The following SPINK8 variants were observed in gnomAD, a reference collection of about 807,000 sequenced individuals.
SPINK8 encodes serine protease inhibitor Kazal-type 8.
A neutral mutation model predicts 14.4 loss-of-function variants in SPINK8; 12 were observed. The observed-to-expected ratio is 0.83, with a 90% CI of 0.53 to 1.35. The LOEUF (loss-of-function observed/expected upper bound fraction) is 1.35. Ranked by LOEUF, SPINK8 falls within the 40% of genes most tolerant of loss-of-function variation. The pLI is 0.00. For missense variants in SPINK8, 103 were observed against 117.0 expected (o/e 0.88, Z 0.55); for synonymous variants, 32 against 37.6 (o/e 0.85, Z 0.55).
In SPINK8 at chr3:48,321,020, C is replaced by G. The variant is rs1050868111; in HGVS notation, c.117+5G>C. 2 of 1,588,514 alleles carry G rather than the reference C, an allele frequency of 1.3e-6. No individual in the cohort carries two copies. The highest frequency in any genetic ancestry group is 8.6e-7 in the Non-Finnish European group (1 of 1,166,330). On this transcript the variant is annotated splice_donor_5th_base_variant and intron_variant, in intron 5 of 7. Coordinates refer to ENST00000434006, the MANE Select transcript of SPINK8 (RefSeq NM_001080525.3). ...GTTATTAGGAACCAAGGAAGCAGTA[C>G]TCACTATTGTTTTGTCTAGCTGACC...
intron 6 of SPINK8, among the ~76,000 whole-genome samples, chr3:48,314,294 G>A (rs1272256571): frequency 6.6e-6 from 1 of 151,464 alleles, no homozygotes; most frequent in Non-Finnish European, 1.5e-5. Context: ...AAGAACACTG[G>A]CAAAAATGGT....
At chr3:48,327,827 G>A (rs2036166985) in intron 4 of SPINK8, among the ~76,000 whole-genome samples, 1 of 152,142 alleles carries the variant, frequency 6.6e-6, no homozygotes, top group Admixed American at 6.5e-5. Flanking sequence ...GGAAAGAGTT[G>A]CAGAAATCGA....
intron 4 of SPINK8, among the ~76,000 whole-genome samples, chr3:48,322,413 G>T: frequency 6.6e-6 from 1 of 151,412 alleles, no homozygotes; most frequent in East Asian, 1.9e-4. Context: ...TCAGCTCACT[G>T]CAACCTCGGC....
intron 1 of SPINK8, among the ~76,000 whole-genome samples, chr3:48,332,936 G>A (rs568174538): frequency 6.6e-6 from 1 of 152,136 alleles, no homozygotes; most frequent in Non-Finnish European, 1.5e-5. Context: ...CCACTTCAAG[G>A]GGGCATAATC....
intron 6 of SPINK8, among the ~76,000 whole-genome samples, chr3:48,315,872 A>C (rs1225111279): frequency 1.3e-5 from 2 of 152,150 alleles, no homozygotes; most frequent in Admixed American, 1.3e-4. Flanking sequence ...AAAATTCTAA[A>C]GTTGAAAATT....
At chr3:48,308,911 T>C (rs1380420855) in intron 7 of SPINK8, among the ~76,000 whole-genome samples, 1 of 152,250 alleles carries the variant, frequency 6.6e-6, no homozygotes, top group Non-Finnish European at 1.5e-5. Flanking sequence ...AGCAGGATTT[T>C]TAATGAGTAA....
rs543021487 is a variant in SPINK8 at position 48,321,129 on chromosome 3, G to A, written c.68-55C>T. On this transcript the variant is annotated intron_variant, in intron 4 of 7. Coordinates refer to ENST00000434006, the MANE Select transcript of SPINK8 (RefSeq NM_001080525.3). ...TGCTTCTCTGTCTTCTGCCCTCAGC[G>A]AAAAAGGTAAGATGAGGGGAACCCT... The A allele has an allele frequency of 9.8e-5, 149 of 1,523,664 alleles. 1 individual carries two copies. The South Asian group carries it at 1.7e-3, about 17-fold the overall frequency. The allele number at this position is 1,523,664 out of a possible 1,614,324, so 94.4% of individuals were successfully genotyped here.
intron 4 of SPINK8, among the ~76,000 whole-genome samples, chr3:48,323,629 G>A (rs954477573): frequency 1.2e-4 from 19 of 152,140 alleles, no homozygotes; most frequent in African/African-American, 4.6e-4. Flanking sequence ...TGTCCATGGT[G>A]TGAGGAAAAG....
chr3:48,331,496 T>C (rs2036260444), intron 2 of SPINK8, among the ~76,000 whole-genome samples: 1 of 152,218 alleles, frequency 6.6e-6, no homozygotes, highest in Non-Finnish European at 1.5e-5. Flanking sequence ...AATCTTCTAA[T>C]GGCTTCCTGA....
At chr3:48,309,028 G>C (rs1485374616) in intron 7 of SPINK8, among the ~76,000 whole-genome samples, 1 of 152,158 alleles carries the variant, frequency 6.6e-6, no homozygotes, top group Non-Finnish European at 1.5e-5. Context: ...CTCTTTAGTG[G>C]AACTAGAGAA....
intron 4 of SPINK8, among the ~76,000 whole-genome samples, chr3:48,324,590 AT>A (rs2036115369): frequency 6.6e-6 from 1 of 152,198 alleles, no homozygotes; most frequent in African/African-American, 2.4e-5. Context: ...ACATTTCTAT[AT>A]GTTCTCTAAC....
In SPINK8 at chr3:48,330,376, G is replaced by T. The variant is rs374921386; in HGVS notation, c.-135-1102C>A. Among the ~76,000 whole-genome samples, 5 of 152,104 alleles carry T rather than the reference G, an allele frequency of 3.3e-5. No homozygotes were observed. In the East Asian group the frequency reaches 5.8e-4, roughly 18 times the overall value. ...TCTACTAAAAATGCAAAAATTAGCT[G>T]GGCGTGGTGGTGCGTGCCTGTAATC... On this transcript the variant is annotated intron_variant, in intron 2 of 7. Coordinates refer to ENST00000434006, the MANE Select transcript of SPINK8 (RefSeq NM_001080525.3).
chr3:48,326,062 A>G (rs2036136911), intron 4 of SPINK8, among the ~76,000 whole-genome samples: 1 of 151,722 alleles, frequency 6.6e-6, no homozygotes, highest in Admixed American at 6.6e-5. Context: ...TGCCTCTGGG[A>G]CTCACTTTCC....
chr3:48,319,401 T>C (rs1171279204), intron 6 of SPINK8, 96 bp downstream of exon 6: 8 of 1,405,014 alleles, frequency 5.7e-6, no homozygotes, highest in African/African-American at 2.8e-5. Flanking sequence ...GAAGGTCTCA[T>C]TGGATGATGT....
In SPINK8 at chr3:48,308,711, C is replaced by G. The variant is rs79130832; in HGVS notation, c.282+1193G>C. On this transcript the variant is annotated intron_variant, in intron 7 of 7. Transcript: ENST00000434006. ...TCTGCATGTCCCTAAAACTCTTCTC[C>G]CCTGTTAAATATTAGTCTTTACTTT... 1.1e-4 allele frequency among the ~76,000 whole-genome samples: 17 copies of G among 152,276 alleles called. No homozygotes were observed. In the East Asian group the frequency reaches 3.3e-3, roughly 29 times the overall value.
At chr3:48,317,213 G>T (rs139333408) in intron 6 of SPINK8, among the ~76,000 whole-genome samples, 1 of 152,216 alleles carries the variant, frequency 6.6e-6, no homozygotes, top group Non-Finnish European at 1.5e-5. Context: ...TTTTGGCTGG[G>T]TGTAGTGGCT....
intron 4 of SPINK8, 136 bp downstream of exon 4, chr3:48,328,139 T>C: frequency 3.0e-6 from 2 of 677,618 alleles, no homozygotes; most frequent in Non-Finnish European, 2.3e-6. Context: ...TTTCTCTGGG[T>C]TTTAATTTCT....
chr3:48,318,926 A>G (rs1197787302), intron 6 of SPINK8, among the ~76,000 whole-genome samples: 2 of 152,244 alleles, frequency 1.3e-5, no homozygotes, highest in East Asian at 1.9e-4. Context: ...TTTCCTTCAT[A>G]CAAACCCCTG....
chr3:48,330,239 C>T (rs1007640239), intron 2 of SPINK8, among the ~76,000 whole-genome samples: 2 of 152,092 alleles, frequency 1.3e-5, no homozygotes, highest in Admixed American at 6.5e-5. Flanking sequence ...TTTTAATAGG[C>T]TGGGTACTGT....
Sources: gnomAD v4.1 joint callset for allele counts (sites outside exome capture counted in the v4.1 genomes callset) on GRCh38, gnomAD v4.1.1 for gene constraint, MANE v1.5 for transcripts, NCBI Gene and HGNC (gene_info 2026-07-23, HGNC 2026-07-21) for gene names.